The following MYT1L variants were observed in gnomAD, a reference collection of about 807,000 sequenced individuals.
The protein encoded by MYT1L is myelin transcription factor 1 like, also known as myelin transcription factor 1-like protein.
In MYT1L, 12 loss-of-function variants were observed where a neutral mutation model predicts 126.7. That is an observed-to-expected ratio of 0.09 (90% CI 0.06 to 0.15). The LOEUF (loss-of-function observed/expected upper bound fraction) is 0.15, where lower values mean the gene tolerates loss of function less well. Ranked by LOEUF, MYT1L falls within the 10% of genes least tolerant of loss-of-function variation. The pLI is 1.00. For synonymous variants in MYT1L, 541 were observed against 604.2 expected, an observed-to-expected ratio of 0.90 and a Z score of 1.53; for missense variants, 979 against 1,585.2, an observed-to-expected ratio of 0.62 and a Z score of 6.49.
intron 3 of MYT1L, among the ~76,000 whole-genome samples, chr2:2,147,125 C>T (rs1024899109): frequency 5.3e-5 from 8 of 152,210 alleles, no homozygotes; most frequent in African/African-American, 1.7e-4. Context: ...AGACCCAGTG[C>T]CTTGCAAATC....
At chr2:2,024,761 T>G (rs1391495659) in intron 4 of MYT1L, among the ~76,000 whole-genome samples, 3 of 152,242 alleles carry the variant, frequency 2.0e-5, no homozygotes, top group Non-Finnish European at 4.4e-5. Flanking sequence ...AGTCCACCAA[T>G]TCTGACTTCC....
At chr2:2,211,343 G>A (rs1013713851) in intron 2 of MYT1L, among the ~76,000 whole-genome samples, 3 of 152,070 alleles carry the variant, frequency 2.0e-5, no homozygotes, top group African/African-American at 7.2e-5. Context: ...TCTTTTTAAA[G>A]TAATTCTTTC....
intron 1 of MYT1L, among the ~76,000 whole-genome samples, chr2:2,316,942 C>G (rs1244171525): frequency 1.3e-5 from 2 of 151,856 alleles, no homozygotes; most frequent in East Asian, 3.9e-4. Flanking sequence ...TCCCAAGTAG[C>G]TGGAACTACA....
At chr2:2,300,304 G>A (rs1211094308) in intron 1 of MYT1L, among the ~76,000 whole-genome samples, 1 of 152,118 alleles carries the variant, frequency 6.6e-6, no homozygotes, top group Admixed American at 6.6e-5. Context: ...GGAGAAGATC[G>A]CATGCTCATG....
intron 4 of MYT1L, among the ~76,000 whole-genome samples, chr2:2,048,655 C>G (rs528951444): frequency 1.3e-5 from 2 of 152,304 alleles, no homozygotes; most frequent in East Asian, 3.9e-4. Flanking sequence ...TAGGTGGACC[C>G]CTGGTGTCTA....
At chr2:2,022,551 C>T (rs1025378258) in intron 4 of MYT1L, among the ~76,000 whole-genome samples, 11 of 151,950 alleles carry the variant, frequency 7.2e-5, no homozygotes, top group African/African-American at 2.4e-4. Flanking sequence ...AGACCTTTTC[C>T]GGTCTGGAAG....
intron 3 of MYT1L, among the ~76,000 whole-genome samples, chr2:2,090,957 C>A (rs1315889019): frequency 6.6e-6 from 1 of 152,196 alleles, no homozygotes; most frequent in African/African-American, 2.4e-5. Flanking sequence ...TCTTTAAACT[C>A]CACTTCTAAT....
At chr2:2,281,096 T>A (rs1376604683) in intron 2 of MYT1L, among the ~76,000 whole-genome samples, 1 of 152,184 alleles carries the variant, frequency 6.6e-6, no homozygotes, top group Non-Finnish European at 1.5e-5. Context: ...GGGAGGTAAT[T>A]GAATCATGGG....
At chr2:2,123,439 C>T (rs555233903) in intron 3 of MYT1L, among the ~76,000 whole-genome samples, 1 of 152,238 alleles carries the variant, frequency 6.6e-6, no homozygotes, top group Admixed American at 6.5e-5. Context: ...AATTGTCATG[C>T]CAAGTGTTGG....
chr2:2,177,906 G>A (rs1046063714), intron 2 of MYT1L, among the ~76,000 whole-genome samples: 1 of 152,202 alleles, frequency 6.6e-6, no homozygotes, highest in African/African-American at 2.4e-5. Context: ...GTGCATGTGT[G>A]TGAATACAGA....
chr2:2,024,347 C>T (rs1029655527), intron 4 of MYT1L, among the ~76,000 whole-genome samples: 2 of 152,190 alleles, frequency 1.3e-5, no homozygotes, highest in African/African-American at 4.8e-5. Flanking sequence ...AGCACCCAAA[C>T]CCGCCCAGTG....
At chr2:2,310,101 C>A (rs1053412428) in intron 1 of MYT1L, among the ~76,000 whole-genome samples, 2 of 152,038 alleles carry the variant, frequency 1.3e-5, no homozygotes, top group Non-Finnish European at 2.9e-5. Context: ...TCCACTTACA[C>A]TTTAGTACAC....
intron 2 of MYT1L, among the ~76,000 whole-genome samples, chr2:2,184,332 G>A (rs940118566): frequency 2.6e-5 from 4 of 152,152 alleles, no homozygotes; most frequent in Admixed American, 1.3e-4. Flanking sequence ...GTAAACACAA[G>A]ACAGAGTTCG....
At chr2:1,904,577 G>T in intron 13 of MYT1L, among the ~76,000 whole-genome samples, 1 of 151,776 alleles carries the variant, frequency 6.6e-6, no homozygotes, top group East Asian at 1.9e-4. Flanking sequence ...CACCATGTTG[G>T]CCAGGCTGGT....
intron 21 of MYT1L, among the ~76,000 whole-genome samples, chr2:1,832,108 G>A (rs1572660064): frequency 1.3e-5 from 2 of 152,226 alleles, no homozygotes; most frequent in South Asian, 4.1e-4. Flanking sequence ...CCCTGGGTGT[G>A]TTTGGAGCTG....
intron 2 of MYT1L, among the ~76,000 whole-genome samples, chr2:2,240,539 A>G (rs945678416): frequency 2.0e-5 from 3 of 152,222 alleles, no homozygotes; most frequent in Non-Finnish European, 4.4e-5. Context: ...ACATAATTAC[A>G]TCTATTTTTA....
intron 2 of MYT1L, among the ~76,000 whole-genome samples, chr2:2,264,571 C>T (rs952753923): frequency 2.0e-5 from 3 of 152,136 alleles, no homozygotes; most frequent in Admixed American, 1.3e-4. Context: ...GGGTTGGCTT[C>T]GATGGACTTC....
chr2:1,829,757 C>T (rs2148258478), intron 21 of MYT1L, among the ~76,000 whole-genome samples: 1 of 132,988 alleles, frequency 7.5e-6, no homozygotes, highest in Non-Finnish European at 1.5e-5. Flanking sequence ...GTGAATTGAC[C>T]CTCCCATACA....
intron 4 of MYT1L, among the ~76,000 whole-genome samples, chr2:2,026,691 C>T (rs758066990): frequency 1.3e-5 from 2 of 152,116 alleles, no homozygotes; most frequent in South Asian, 2.1e-4. Context: ...CCTGCCTCCC[C>T]GAGGCCCGGG....
Sources: gnomAD v4.1 joint callset for allele counts (sites outside exome capture counted in the v4.1 genomes callset) on GRCh38, gnomAD v4.1.1 for gene constraint, MANE v1.5 for transcripts, NCBI Gene and HGNC (gene_info 2026-07-23, HGNC 2026-07-21) for gene names.